The following PPM1D variants were observed in gnomAD, a reference collection of about 807,000 sequenced individuals.
The protein encoded by PPM1D is protein phosphatase 1D.
A neutral mutation model predicts 58.3 loss-of-function variants in PPM1D; 52 were observed. The observed-to-expected ratio is 0.89, with a 90% confidence interval of 0.71 to 1.12. PPM1D has a LOEUF of 1.12. Among genes scored for constraint, PPM1D ranks in the 50% most tolerant of loss-of-function variants. The pLI, the probability that PPM1D is intolerant of heterozygous loss-of-function variation, is 0.00. For missense variants in PPM1D, 564 were observed against 777.2 expected (o/e 0.73, Z 3.26); for synonymous variants, 278 against 285.1 (o/e 0.98, Z 0.25).
In PPM1D at chr17:60,640,634, T is replaced by C. The variant is rs144986214; in HGVS notation, c.826+6657T>C. On this transcript the variant is annotated intron_variant, in intron 3 of 5. Coordinates refer to ENST00000305921, the MANE Select transcript of PPM1D (RefSeq NM_003620.4). ...GAGGTTTGGGGTACGATTGATTCCG[T>C]CATCCAGGTAGGGAGCATAGTACCC... Among the ~76,000 whole-genome samples, 197 of 152,300 alleles carry C rather than the reference T, an allele frequency of 1.3e-3. 1 individual carries two copies. Among genetic ancestry groups the C allele is most frequent in the African/African-American group, 4.4e-3 (181 of 41,570 alleles).
chr17:60,652,550 G>GTTTTTTTTTT (rs776162517), intron 4 of PPM1D, among the ~76,000 whole-genome samples: 77 of 67,610 alleles, frequency 1.1e-3, no homozygotes, highest in East Asian at 1.6e-3. Context: ...GTTTACTTCT[G>GTTTTTTTTTT]TTTTTTTTTT....
intron 5 of PPM1D, among the ~76,000 whole-genome samples, chr17:60,657,610 T>G (rs1037516625): frequency 2.6e-5 from 4 of 152,218 alleles, no homozygotes; most frequent in African/African-American, 9.6e-5. Flanking sequence ...CAAAGGCCTT[T>G]AATTTTGGGC....
intron 5 of PPM1D, 41 bp from the exon 6 acceptor site, chr17:60,662,954 G>T (rs573346431): frequency 1.3e-6 from 2 of 1,532,268 alleles, no homozygotes; most frequent in East Asian, 2.3e-5. Context: ...TGAGTTCTGG[G>T]ATAAATTTTT....
intron 3 of PPM1D, among the ~76,000 whole-genome samples, chr17:60,638,516 G>A (rs185427011): frequency 6.6e-6 from 1 of 151,874 alleles, no homozygotes; most frequent in African/African-American, 2.4e-5. Flanking sequence ...TTACAGGTGC[G>A]TGCCACCACA....
At chr17:60,640,979 A>G (rs1205406421) in intron 3 of PPM1D, among the ~76,000 whole-genome samples, 3 of 151,602 alleles carry the variant, frequency 2.0e-5, no homozygotes, top group Non-Finnish European at 4.4e-5. Flanking sequence ...TGTATGTACC[A>G]TATTTTCTTT....
chr17:60,652,437 A>G (rs944009351), intron 4 of PPM1D, among the ~76,000 whole-genome samples: 3 of 152,136 alleles, frequency 2.0e-5, no homozygotes, highest in Non-Finnish European at 2.9e-5. Context: ...GACTGTTGTG[A>G]ATAGTGCTGC....
intron 4 of PPM1D, among the ~76,000 whole-genome samples, chr17:60,653,808 C>A (rs1002749456): frequency 6.6e-6 from 1 of 152,050 alleles, no homozygotes; most frequent in African/African-American, 2.4e-5. Context: ...AATAGGATTG[C>A]TTTCTTGATT....
intron 4 of PPM1D, 135 bp from the exon 5 acceptor site, chr17:60,656,464 A>AG (rs919005691): frequency 3.3e-5 from 40 of 1,203,078 alleles, no homozygotes; most frequent in Non-Finnish European, 4.2e-5. Flanking sequence ...AAAAAAAAAA[A>AG]AGAGAAAAGA....
chr17:60,637,620 T>C lies in PPM1D; in HGVS notation c.826+3643T>C, dbSNP rs924290306. ...GTTGTCTAGGGTGGAGCTTTCAATT[T>C]GGGGGAGCCAGTAGCATATAGATAG... On this transcript the variant is annotated intron_variant, in intron 3 of 5. Coordinates refer to ENST00000305921, the MANE Select transcript of PPM1D (RefSeq NM_003620.4). Among the ~76,000 whole-genome samples the C allele has an allele frequency of 3.9e-5, 6 of 152,238 alleles. No individual in the cohort carries two copies. The East Asian group carries it at 1.2e-3, about 29-fold the overall frequency.
intron 3 of PPM1D, among the ~76,000 whole-genome samples, chr17:60,639,952 G>A (rs149612701): frequency 2.0e-5 from 3 of 152,334 alleles, no homozygotes; most frequent in Admixed American, 6.5e-5. Context: ...GAAGGGCAGT[G>A]TAGCTGGAAC....
chr17:60,665,202 C>G lies in PPM1D; in HGVS notation c.*1650C>G, dbSNP rs192853147. ...GTCATGCTGGTCTTGATCTCCTGAC[C>G]TCGTGATCCACCCGCCTCGACCTCC... On this transcript the variant is annotated 3_prime_UTR_variant, in exon 6 of 6. Coordinates refer to ENST00000305921, the MANE Select transcript of PPM1D (RefSeq NM_003620.4). 2 of 152,004 alleles carry G rather than the reference C, an allele frequency of 1.3e-5. No individual in the cohort carries two copies. Among genetic ancestry groups the G allele is most frequent in the Non-Finnish European group, 2.9e-5 (2 of 68,048 alleles). 9.4% of individuals were successfully genotyped at this position (152,004 alleles called of 1,614,324 possible). A position where few individuals can be genotyped will look rare whatever the true frequency, so the allele number is the denominator to read the frequency against.
At chr17:60,611,812 T>A (rs967571319) in intron 1 of PPM1D, among the ~76,000 whole-genome samples, 2 of 152,214 alleles carry the variant, frequency 1.3e-5, no homozygotes, top group East Asian at 1.9e-4. Flanking sequence ...TCGTGATGTT[T>A]ATTAATGAAC....
In PPM1D at chr17:60,663,092, C is replaced by T. The variant is rs765346414; in HGVS notation, c.1358C>T (p.Ser453Leu). 1 of 1,614,010 alleles carries T rather than the reference C, an allele frequency of 6.2e-7. No individual in the cohort carries two copies. Among genetic ancestry groups the T allele is most frequent in the South Asian group, 1.1e-5 (1 of 91,086 alleles). The change falls in exon 6 of 6, where the codon TCA becomes TTA. Residue 453 changes from serine (S) to leucine (L), a missense_variant. Transcript: ENST00000305921. ...TTCTCAGAGAATTTTTTAGAGGTTT[C>T]AGCTGAGATAGCTCGAGAGAATGTC... ...NAFSENFLEV[S>L]AEIARENVQG...
At chr17:60,604,099 T>C (rs978928263) in intron 1 of PPM1D, among the ~76,000 whole-genome samples, 2 of 152,234 alleles carry the variant, frequency 1.3e-5, no homozygotes, top group Non-Finnish European at 2.9e-5. Flanking sequence ...TTTTGTGACA[T>C]AGTGCATTAG....
intron 1 of PPM1D, among the ~76,000 whole-genome samples, chr17:60,622,263 G>A (rs1396584016): frequency 6.6e-6 from 1 of 151,020 alleles, no homozygotes; most frequent in South Asian, 2.1e-4. Context: ...TGGATTACAA[G>A]TCTGCATTTT....
At chr17:60,647,555 T>C (rs1704741600) in intron 3 of PPM1D, among the ~76,000 whole-genome samples, 1 of 152,156 alleles carries the variant, frequency 6.6e-6, no homozygotes, top group South Asian at 2.1e-4. Context: ...ATTTTTATTA[T>C]CTTACTGTGC....
chr17:60,645,157 C>T (rs1371381881), intron 3 of PPM1D, among the ~76,000 whole-genome samples: 1 of 152,008 alleles, frequency 6.6e-6, no homozygotes, highest in Non-Finnish European at 1.5e-5. Context: ...AGTTCCAGAC[C>T]AGCCTAGCCA....
At chr17:60,620,516 G>T (rs1468520529) in intron 1 of PPM1D, among the ~76,000 whole-genome samples, 1 of 150,826 alleles carries the variant, frequency 6.6e-6, no homozygotes, top group Non-Finnish European at 1.5e-5. Flanking sequence ...TTTTGTTGCT[G>T]TTTTTTTTGT....
intron 3 of PPM1D, among the ~76,000 whole-genome samples, chr17:60,644,076 A>T (rs941928188): frequency 1.9e-4 from 28 of 151,108 alleles, no homozygotes; most frequent in African/African-American, 6.8e-4. Flanking sequence ...CCGGGGTTTC[A>T]CCGTGTTAGC....
Sources: allele counts gnomAD v4.1 joint callset (sites outside exome capture counted in the v4.1 genomes callset), GRCh38; gene constraint gnomAD v4.1.1; transcripts MANE v1.5; gene names NCBI Gene and HGNC (gene_info 2026-07-23, HGNC 2026-07-21).